The following CACHD1 variants were observed in gnomAD, a reference collection of about 807,000 sequenced individuals.
CACHD1 encodes the protein cache domain containing 1, also known as VWFA and cache domain-containing protein 1.
Under a neutral mutation model 138.7 loss-of-function variants are expected in CACHD1, and 71 were observed. The observed-to-expected ratio is 0.51, with a 90% CI of 0.42 to 0.62. The LOEUF (loss-of-function observed/expected upper bound fraction) is 0.62. CACHD1 is among the 20% of genes least tolerant of loss of function. The pLI, the probability that CACHD1 is intolerant of heterozygous loss-of-function variation, is 0.00. For synonymous variants in CACHD1, 578 were observed against 591.5 expected (o/e 0.98, Z 0.33); for missense variants, 1,389 against 1,625.3 (o/e 0.85, Z 2.50).
chr1:64,664,132 C>T (rs1258716722), intron 14 of CACHD1: 3 of 468,248 alleles, frequency 6.4e-6, no homozygotes, highest in Non-Finnish European at 7.5e-6. Context: ...CCCTGTCTTA[C>T]CCAGAGGAAG....
In CACHD1 at chr1:64,671,606, T is replaced by G; in HGVS notation, c.2430T>G (p.Ile810Met). Residue 810 changes from isoleucine (I) to methionine (M), a missense_variant, in exon 17 of 27, where the codon ATT becomes ATG. Transcript: ENST00000651257. ...GGCACACTGTGGCTGTGATGGGCATTGACTTCACACTCAGATACTTCTACA... is the reference window on the plus strand; with the variant it reads ...GGCACACTGTGGCTGTGATGGGCATGGACTTCACACTCAGATACTTCTACA... ...SSGHTVAVMG[I>M]DFTLRYFYKV... 1.2e-6 allele frequency: 2 copies of G among 1,613,970 alleles called. No homozygotes were observed. The highest frequency in any genetic ancestry group is 1.7e-6 in the Non-Finnish European group (2 of 1,179,844).
At chr1:64,511,328 A>C (rs1646419265) in intron 1 of CACHD1, among the ~76,000 whole-genome samples, 1 of 152,246 alleles carries the variant, frequency 6.6e-6, no homozygotes, top group Non-Finnish European at 1.5e-5. Flanking sequence ...GTGATTGAAC[A>C]TTCACATCCA....
intron 9 of CACHD1, among the ~76,000 whole-genome samples, chr1:64,651,432 C>A (rs998889565): frequency 6.6e-6 from 1 of 152,114 alleles, no homozygotes; most frequent in African/African-American, 2.4e-5. Context: ...ATTCCTTTAT[C>A]CATAGTCTCT....
chr1:64,540,068 G>T (rs1646665497), intron 1 of CACHD1, among the ~76,000 whole-genome samples: 3 of 152,178 alleles, frequency 2.0e-5, no homozygotes, highest in African/African-American at 7.2e-5. Context: ...GATTGCGTGA[G>T]ACAGTAATTA....
rs114360153 is a variant in CACHD1, at chr1:64,524,345, A to G, written c.199-26249A>G. On this transcript the variant is annotated intron_variant, in intron 1 of 26. Transcript: ENST00000651257. ...ACTGTATGAATAATTTGTATATAGG[A>G]CAATTTTTCATCTTTTTCCAGAAGT... Among the ~76,000 whole-genome samples the G allele has an allele frequency of 3.3e-3, 506 of 152,302 alleles. 3 individuals are homozygous for G. The highest frequency in any genetic ancestry group is 0.012 in the African/African-American group (494 of 41,548).
intron 19 of CACHD1, among the ~76,000 whole-genome samples, chr1:64,674,293 A>G (rs546051435): frequency 2.2e-3 from 337 of 152,254 alleles, no homozygotes; most frequent in Middle Eastern, 6.8e-3. Flanking sequence ...CCCTGTTCAG[A>G]CCCCATACCA....
At chr1:64,519,589 A>C (rs1487003383) in intron 1 of CACHD1, among the ~76,000 whole-genome samples, 1 of 152,196 alleles carries the variant, frequency 6.6e-6, no homozygotes, top group Admixed American at 6.5e-5. Context: ...AAGCATTACC[A>C]GTGACTGCCC....
chr1:64,633,212 T>C (rs890187522), intron 6 of CACHD1, among the ~76,000 whole-genome samples: 9 of 152,346 alleles, frequency 5.9e-5, no homozygotes, highest in African/African-American at 2.2e-4. Flanking sequence ...CTCACCATCA[T>C]AAAGTCAAAC....
chr1:64,685,952 C>T (rs565575284), intron 26 of CACHD1, among the ~76,000 whole-genome samples: 40 of 152,140 alleles, frequency 2.6e-4, no homozygotes, highest in South Asian at 2.3e-3. Flanking sequence ...ACCTCTGTGC[C>T]CACCCTGCCC....
chr1:64,683,356 T>TTCTG (rs1420487466), intron 26 of CACHD1, among the ~76,000 whole-genome samples: 2 of 152,218 alleles, frequency 1.3e-5, no homozygotes, highest in East Asian at 3.8e-4. Context: ...TGCCAGGCAG[T>TTCTG]TCTGTGCCTT....
chr1:64,591,568 G>A (rs1261328330), intron 3 of CACHD1, among the ~76,000 whole-genome samples: 15 of 152,180 alleles, frequency 9.9e-5, no homozygotes, highest in Admixed American at 2.0e-4. Flanking sequence ...ATACATAGTA[G>A]ACACTCAATA....
At chr1:64,511,133 G>A (rs1356841714) in intron 1 of CACHD1, among the ~76,000 whole-genome samples, 1 of 152,192 alleles carries the variant, frequency 6.6e-6, no homozygotes, top group African/African-American at 2.4e-5. Flanking sequence ...TAAAGCAGAT[G>A]GAGTACGGTA....
At chr1:64,486,951 G>A (rs1469024931) in intron 1 of CACHD1, among the ~76,000 whole-genome samples, 1 of 152,154 alleles carries the variant, frequency 6.6e-6, no homozygotes, top group Non-Finnish European at 1.5e-5. Context: ...ATATTTGAGT[G>A]GAGGCATGAA....
intron 2 of CACHD1, among the ~76,000 whole-genome samples, chr1:64,566,495 G>A (rs1410399373): frequency 6.3e-5 from 3 of 47,318 alleles, no homozygotes; most frequent in South Asian, 8.4e-4. Context: ...CCCCCCACAA[G>A]GTATGGGGGA....
chr1:64,553,577 C>T (rs1172294798), intron 2 of CACHD1, among the ~76,000 whole-genome samples: 1 of 152,214 alleles, frequency 6.6e-6, no homozygotes, highest in South Asian at 2.1e-4. Context: ...TGAAATTTAT[C>T]AAATATATGG....
intron 2 of CACHD1, among the ~76,000 whole-genome samples, chr1:64,573,615 AG>A (rs1005294317): frequency 2.2e-4 from 34 of 152,320 alleles, no homozygotes; most frequent in African/African-American, 8.2e-4. Flanking sequence ...CTACACTCAG[AG>A]GAAGATCTTT....
intron 2 of CACHD1, among the ~76,000 whole-genome samples, chr1:64,553,680 AG>A (rs1355566897): frequency 6.6e-6 from 1 of 152,202 alleles, no homozygotes; most frequent in Non-Finnish European, 1.5e-5. Context: ...CAAACTTAGA[AG>A]GCCCTTGTAT....
intron 1 of CACHD1, among the ~76,000 whole-genome samples, chr1:64,518,357 A>G (rs997254657): frequency 2.6e-5 from 4 of 151,970 alleles, no homozygotes; most frequent in African/African-American, 9.7e-5. Flanking sequence ...ACATAGGTAT[A>G]CATGTGCCAT....
intron 2 of CACHD1, among the ~76,000 whole-genome samples, chr1:64,581,510 C>G (rs1033039691): frequency 1.3e-5 from 2 of 152,166 alleles, no homozygotes; most frequent in African/African-American, 2.4e-5. Flanking sequence ...GAAAGTAAAT[C>G]ATGATGAAGT....
Sources: allele counts gnomAD v4.1 joint callset (sites outside exome capture counted in the v4.1 genomes callset), GRCh38; gene constraint gnomAD v4.1.1; transcripts MANE v1.5; gene names NCBI Gene and HGNC (gene_info 2026-07-23, HGNC 2026-07-21).